Variants in LCP2 observed in about 807,000 individuals in gnomAD.
LCP2 encodes 76 kDa tyrosine phosphoprotein.
LCP2 carries 29 observed loss-of-function variants against 74.5 expected under a neutral mutation model. The ratio of observed to expected loss-of-function variants is 0.39; its 90% confidence interval spans 0.29 to 0.53. The LOEUF (loss-of-function observed/expected upper bound fraction) is 0.53. Among genes scored for constraint, LCP2 ranks in the 20% least tolerant of loss-of-function variants. The pLI, the probability that LCP2 is intolerant of heterozygous loss-of-function variation, is 0.72. For missense variants in LCP2, 604 were observed against 634.6 expected (o/e 0.95, Z 0.52); for synonymous variants, 228 against 229.5 (o/e 0.99, Z 0.06).
chr5:170,267,827 T>C (rs1356291545), intron 8 of LCP2, among the ~76,000 whole-genome samples: 3 of 152,216 alleles, frequency 2.0e-5, no homozygotes, highest in African/African-American at 7.2e-5. Context: ...CAAAAGAAGG[T>C]CTTCAAATCT....
intron 7 of LCP2, among the ~76,000 whole-genome samples, chr5:170,270,042 T>G (rs1229641919): frequency 6.6e-6 from 1 of 152,208 alleles, no homozygotes; most frequent in Non-Finnish European, 1.5e-5. Flanking sequence ...TCTGAAAGTA[T>G]ATTATTTAAG....
chr5:170,254,531 C>T (rs760974083), intron 17 of LCP2, among the ~76,000 whole-genome samples: 1 of 152,196 alleles, frequency 6.6e-6, no homozygotes, highest in Non-Finnish European at 1.5e-5. Flanking sequence ...AACAAGCTGG[C>T]CCTGAGCTGC....
intron 3 of LCP2, among the ~76,000 whole-genome samples, chr5:170,277,030 C>T (rs904859850): frequency 1.5e-5 from 2 of 136,882 alleles, no homozygotes; most frequent in African/African-American, 2.8e-5. Context: ...GAGCCGAGAT[C>T]ACACCACTGC....
chr5:170,292,283 T>G lies in LCP2; in HGVS notation c.141+1027A>C, dbSNP rs117892676. On this transcript the variant is annotated intron_variant, in intron 2 of 20. Coordinates refer to ENST00000046794, the MANE Select transcript of LCP2 (RefSeq NM_005565.5). ...CTTACATGGCACCTGGAAGCAAAAC[T>G]CAGACCAATAGGAGCACAGGTTAGT... 2.8e-4 allele frequency among the ~76,000 whole-genome samples: 43 copies of G among 152,276 alleles called. No homozygotes were observed. The East Asian group carries it at 6.9e-3, about 25-fold the overall frequency.
chr5:170,285,384 A>G (rs1355710496), intron 3 of LCP2, among the ~76,000 whole-genome samples: 1 of 152,026 alleles, frequency 6.6e-6, no homozygotes, highest in Non-Finnish European at 1.5e-5. Flanking sequence ...TGTGGGTTAT[A>G]TTTTCCTGCT....
intron 4 of LCP2, 99 bp from the exon 5 acceptor site, chr5:170,275,450 G>C: frequency 7.5e-7 from 1 of 1,339,746 alleles, no homozygotes; most frequent in Non-Finnish European, 1.1e-6. Flanking sequence ...CCCAGTGGAG[G>C]GCATGTCTCA....
At chr5:170,272,508 G>A (rs1024469546) in intron 6 of LCP2, among the ~76,000 whole-genome samples, 2 of 147,232 alleles carry the variant, frequency 1.4e-5, no homozygotes, top group Non-Finnish European at 3.0e-5. Context: ...ATCAGAAGTA[G>A]CCAGCCAACT....
intron 3 of LCP2, among the ~76,000 whole-genome samples, chr5:170,285,890 G>A (rs960005485): frequency 3.3e-5 from 5 of 152,062 alleles, no homozygotes; most frequent in Admixed American, 2.6e-4. Flanking sequence ...TGGACTCTCC[G>A]CTGCCTCCTC....
intron 3 of LCP2, among the ~76,000 whole-genome samples, chr5:170,283,663 C>G (rs192347693): frequency 6.6e-6 from 1 of 152,144 alleles, no homozygotes; most frequent in African/African-American, 2.4e-5. Context: ...GAATGGCTCA[C>G]GGGACCTTTA....
chr5:170,249,362 G>GTATA (rs72371153), intron 20 of LCP2, among the ~76,000 whole-genome samples: 3,390 of 108,084 alleles, frequency 0.031, 74 homozygotes, highest in African/African-American at 0.067. Context: ...GCATGCGTGT[G>GTATA]TATATATATA....
At chr5:170,279,003 G>A (rs1294389722) in intron 3 of LCP2, among the ~76,000 whole-genome samples, 1 of 152,158 alleles carries the variant, frequency 6.6e-6, no homozygotes, top group Non-Finnish European at 1.5e-5. Flanking sequence ...TATGGCTATT[G>A]CTAGGTGCAA....
chr5:170,277,234 C>T (rs1322412232), intron 3 of LCP2, among the ~76,000 whole-genome samples: 1 of 152,134 alleles, frequency 6.6e-6, no homozygotes, highest in African/African-American at 2.4e-5. Flanking sequence ...TGTCAGTTCC[C>T]TTTCTGCTGC....
rs753915163 is a variant in LCP2, at chr5:170,270,873, C to T, written c.369G>A (p.Glu123=). ...TGGGGGACTCATAGTCTCCATCATC[C>T]TCCCCATCCTGGTCATCATTGGGAC... ...YESPNDDQDG[E]DDGDYESPNE... Residue 123 remains glutamate (E), a synonymous_variant, in exon 7 of 21, where the codon GAG becomes GAA. Transcript: ENST00000046794. The T allele has an allele frequency of 3.7e-6, 6 of 1,612,810 alleles. No homozygotes were observed. Among genetic ancestry groups the T allele is most frequent in the South Asian group, 3.3e-5 (3 of 90,724 alleles).
chr5:170,297,603 C>T lies in LCP2; in HGVS notation c.9G>A (p.Leu3=). 6.2e-7 allele frequency: 1 copy of T among 1,611,034 alleles called. No individual in the cohort carries two copies. The highest frequency in any genetic ancestry group is 8.5e-7 in the Non-Finnish European group (1 of 1,178,582). The change falls in exon 1 of 21, where the codon CTG becomes CTA. Residue 3 remains leucine (L), a synonymous_variant. Transcript: ENST00000046794. ...CCTCTGAGCGAAAGGGCACATTCCT[C>T]AGTGCCATGGCTGCTCTCCCGGGAA... is the stretch of plus-strand genomic sequence containing the variant. The part of the protein sequence containing the change: MA[L]RNVPFRSEVL...
chr5:170,262,890 T>C (rs1479640391), intron 11 of LCP2, 29 bp from the exon 12 acceptor site: 2 of 1,613,870 alleles, frequency 1.2e-6, no homozygotes, highest in African/African-American at 1.3e-5. Flanking sequence ...AATGTATGAG[T>C]GTCCAAGCAC....
At position 170,293,307 on chromosome 5, in the gene LCP2, T is replaced by C. The variant is rs767099215; in HGVS notation, c.141+3A>G. The C allele has an allele frequency of 3.7e-6, 6 of 1,606,882 alleles. No individual in the cohort carries two copies. Among genetic ancestry groups the C allele is most frequent in the Non-Finnish European group, 4.2e-6 (5 of 1,176,660 alleles). Reference sequence around the variant, plus strand: ...TCAGTGTGTTGGACTAGCCAGAGCTTACCAAGAAGCGAGCCCCATCGATGT... The same window carrying C: ...TCAGTGTGTTGGACTAGCCAGAGCTCACCAAGAAGCGAGCCCCATCGATGT... On this transcript the variant is annotated splice_donor_region_variant and intron_variant, in intron 2 of 20. Transcript: ENST00000046794.
chr5:170,263,092 G>A (rs1260037679), intron 10 of LCP2, 100 bp from the exon 11 acceptor site: 8 of 1,334,564 alleles, frequency 6.0e-6, no homozygotes, highest in Non-Finnish European at 8.4e-6. Flanking sequence ...AACCCTCTTG[G>A]GGGTTGATGG....
intron 2 of LCP2, among the ~76,000 whole-genome samples, chr5:170,291,006 A>G (rs916158867): frequency 7.3e-6 from 1 of 137,496 alleles, no homozygotes; most frequent in Non-Finnish European, 1.6e-5. Context: ...GAAAGAGAGA[A>G]AGAAAGAGAG....
Position 170,268,385 on chromosome 5 carries a change from C to T in LCP2, c.621G>A (p.Ser207=). ...TGTAAAAGAACGGGAGGAGGCCTACCGAGTGATTCCGGCCGGCTGGTGGGG... is the reference window on the plus strand; with the variant it reads ...TGTAAAAGAACGGGAGGAGGCCTACTGAGTGATTCCGGCCGGCTGGTGGGG... The part of the protein sequence containing the change: ...LPPPPAGRNH[S]PLPPPQTNHE... Residue 207 remains serine, a splice_region_variant and synonymous_variant, in exon 8 of 21, where the codon TCG becomes TCA. Coordinates refer to ENST00000046794, the MANE Select transcript of LCP2 (RefSeq NM_005565.5). 2 of 692,808 alleles carry T rather than the reference C, an allele frequency of 2.9e-6. No individual in the cohort carries two copies. The highest frequency in any genetic ancestry group is 1.9e-6 in the Non-Finnish European group (1 of 529,536). The allele number at this position is 692,808 out of a possible 1,614,324, so 42.9% of individuals were successfully genotyped here. A position where few individuals can be genotyped will look rare whatever the true frequency, so the allele number is the denominator to read the frequency against.
Sources: allele counts gnomAD v4.1 joint callset (sites outside exome capture counted in the v4.1 genomes callset), GRCh38; gene constraint gnomAD v4.1.1; transcripts MANE v1.5; gene names NCBI Gene and HGNC (gene_info 2026-07-23, HGNC 2026-07-21).